The following FRMD4B variants were observed in gnomAD, a reference collection of about 807,000 sequenced individuals.
The protein encoded by FRMD4B is FERM domain-containing protein 4B.
In FRMD4B, 74 loss-of-function variants were observed where a neutral mutation model predicts 141.5. That is an observed-to-expected ratio of 0.52 (90% confidence interval 0.43 to 0.63). FRMD4B has a LOEUF of 0.63. FRMD4B is among the 30% of genes least tolerant of loss of function. The pLI, the probability that FRMD4B is intolerant of heterozygous loss-of-function variation, is 0.00. For synonymous variants in FRMD4B, 506 were observed against 467.9 expected (o/e 1.08, Z -1.05); for missense variants, 1,366 against 1,253.4 (o/e 1.09, Z -1.36).
At chr3:69,212,368 A>AAAAG (rs1375492638) in intron 11 of FRMD4B, among the ~76,000 whole-genome samples, 5 of 72,020 alleles carry the variant, frequency 6.9e-5, no homozygotes, top group Non-Finnish European at 1.3e-4. Context: ...TCAAAAAAAA[A>AAAAG]AAAAAAAAAA....
intron 1 of FRMD4B, among the ~76,000 whole-genome samples, chr3:69,493,759 G>A (rs1397783352): frequency 1.3e-5 from 2 of 152,042 alleles, no homozygotes; most frequent in East Asian, 1.9e-4. Context: ...CCTTGCTTAC[G>A]GTTATCATCA....
At chr3:69,278,241 T>G (rs1386550254) in intron 5 of FRMD4B, among the ~76,000 whole-genome samples, 2 of 152,228 alleles carry the variant, frequency 1.3e-5, no homozygotes, top group Non-Finnish European at 2.9e-5. Context: ...GTTTGGAAAG[T>G]ATTAGGTTAA....
At chr3:69,536,123 G>T in intron 1 of FRMD4B, 1 of 487,306 alleles carries the variant, frequency 2.1e-6, no homozygotes, top group African/African-American at 2.0e-5. Context: ...CTTCTCTGTG[G>T]CTGCACCTGG....
chr3:69,516,815 A>G (rs1407014330), intron 1 of FRMD4B, among the ~76,000 whole-genome samples: 2 of 152,218 alleles, frequency 1.3e-5, no homozygotes, highest in African/African-American at 4.8e-5. Flanking sequence ...ATTATTCCCT[A>G]GAGAGCTGGA....
At position 69,181,414 on chromosome 3, in the gene FRMD4B, A is replaced by G. The variant is rs2107595127; in HGVS notation, c.2336T>C (p.Met779Thr). 1 of 1,613,960 alleles carries G rather than the reference A, an allele frequency of 6.2e-7. No homozygotes were observed. ...ACTATCCTTTTGTGCTAGGTTGGGC[A>G]TGCTTCCTGAATTTGAAGTAGAAAC... ...QNVSTSNSGS[M>T]PNLAQKDSLR... is the part of the protein sequence containing the mutation. The change falls in exon 21 of 23, where the codon ATG becomes ACG. Residue 779 changes from methionine (M) to threonine (T), a missense_variant. Physicochemically the swap from Met to Thr is moderately conservative, Grantham distance 81. Transcript: ENST00000398540.
chr3:69,365,872 C>T (rs1703627236), intron 1 of FRMD4B, among the ~76,000 whole-genome samples: 1 of 152,020 alleles, frequency 6.6e-6, no homozygotes, highest in South Asian at 2.1e-4. Context: ...CACAGAAATG[C>T]TCCCACAAAT....
At chr3:69,534,151 T>C (rs1030078053) in intron 1 of FRMD4B, among the ~76,000 whole-genome samples, 2 of 152,234 alleles carry the variant, frequency 1.3e-5, no homozygotes, top group African/African-American at 4.8e-5. Context: ...GTCCAGTATT[T>C]CCCAGACTTC....
intron 1 of FRMD4B, among the ~76,000 whole-genome samples, chr3:69,435,612 T>G (rs1318334391): frequency 6.6e-6 from 1 of 152,210 alleles, no homozygotes; most frequent in South Asian, 2.1e-4. Context: ...ATACTCTATC[T>G]GGCCCTTTAC....
At chr3:69,302,251 C>G (rs1701240804) in intron 4 of FRMD4B, 92 bp downstream of exon 4, 1 of 714,788 alleles carries the variant, frequency 1.4e-6, no homozygotes, top group South Asian at 1.6e-5. Flanking sequence ...TCTCTAATCA[C>G]CAGAAATGTA....
chr3:69,466,956 C>T (rs1364100081), intron 1 of FRMD4B, among the ~76,000 whole-genome samples: 1 of 152,190 alleles, frequency 6.6e-6, no homozygotes, highest in Non-Finnish European at 1.5e-5. Flanking sequence ...CCCACCTTCT[C>T]TTACCAAAGT....
At chr3:69,503,436 C>T (rs1460411242) in intron 1 of FRMD4B, among the ~76,000 whole-genome samples, 1 of 148,804 alleles carries the variant, frequency 6.7e-6, no homozygotes, top group African/African-American at 2.5e-5. Flanking sequence ...ATCACAAGGA[C>T]AAAAAACCAA....
chr3:69,348,629 A>T (rs1703030066), intron 1 of FRMD4B, among the ~76,000 whole-genome samples: 1 of 152,224 alleles, frequency 6.6e-6, no homozygotes, highest in African/African-American at 2.4e-5. Flanking sequence ...CAAAGATCTT[A>T]TCCACCATGA....
intron 1 of FRMD4B, among the ~76,000 whole-genome samples, chr3:69,340,363 T>C (rs1213345380): frequency 6.6e-6 from 1 of 152,164 alleles, no homozygotes; most frequent in African/African-American, 2.4e-5. Flanking sequence ...CCTCTCTTTG[T>C]GTCCATGTGT....
chr3:69,448,025 C>CTT (rs370262419), intron 1 of FRMD4B, among the ~76,000 whole-genome samples: 14 of 138,932 alleles, frequency 1.0e-4, no homozygotes, highest in Non-Finnish European at 1.1e-4. Flanking sequence ...CAATACAAAT[C>CTT]TTTTTTTTTT....
chr3:69,215,282 C>CCTTTTT (rs2093128456), intron 11 of FRMD4B, among the ~76,000 whole-genome samples: 2 of 37,474 alleles, frequency 5.3e-5, no homozygotes, highest in African/African-American at 1.3e-4. Flanking sequence ...GATTGTGACC[C>CCTTTTT]TCTTTTTTTT....
chr3:69,223,216 T>A (rs9858229), intron 8 of FRMD4B, among the ~76,000 whole-genome samples: 150,550 of 152,098 alleles, frequency 0.99, 74,542 homozygotes, highest in Middle Eastern at 1. Context: ...TCTTTTTTTT[T>A]AATTAAAAAA....
At position 69,233,447 on chromosome 3, in the gene FRMD4B, C is replaced by T. The variant is rs1164914448; in HGVS notation, c.582-8757G>A. ...TGCAATGAGCCACGATCGCCTACTG[C>T]ACTCCAGCCTGGGTGACAGAGTGAG... On this transcript the variant is annotated intron_variant, in intron 7 of 22. Coordinates refer to ENST00000398540, the MANE Select transcript of FRMD4B (RefSeq NM_015123.3). 2.0e-5 allele frequency among the ~76,000 whole-genome samples: 3 copies of T among 149,704 alleles called. No individual in the cohort carries two copies. The Admixed American group carries it at 2.0e-4, about 10-fold the overall frequency.
chr3:69,446,026 T>G (rs1007952804), intron 1 of FRMD4B, among the ~76,000 whole-genome samples: 8 of 152,204 alleles, frequency 5.3e-5, no homozygotes, highest in East Asian at 1.9e-4. Flanking sequence ...TGTGTTGATT[T>G]ATTTATTTAT....
intron 11 of FRMD4B, among the ~76,000 whole-genome samples, chr3:69,216,054 T>C (rs2093137187): frequency 6.6e-6 from 1 of 152,054 alleles, no homozygotes; most frequent in African/African-American, 2.4e-5. Context: ...CTTGGGAGGC[T>C]GAGGCAGGAG....
Sources: allele counts gnomAD v4.1 joint callset (sites outside exome capture counted in the v4.1 genomes callset), GRCh38; gene constraint gnomAD v4.1.1; transcripts MANE v1.5; gene names NCBI Gene and HGNC (gene_info 2026-07-23, HGNC 2026-07-21).